Variants in PCDH15 observed in about 807,000 individuals in gnomAD.
PCDH15 encodes the protein protocadherin-15.
In PCDH15, 129 loss-of-function variants were observed where a neutral mutation model predicts 178.5. The ratio of observed to expected loss-of-function variants is 0.72; its 90% CI spans 0.63 to 0.84. PCDH15 has a LOEUF of 0.84. Among genes scored for constraint, PCDH15 ranks in the 40% least tolerant of loss-of-function variants. The pLI is 0.00. For missense variants in PCDH15, 2,230 were observed against 2,099.9 expected (o/e 1.06, Z -1.21); for synonymous variants, 800 against 732.0 (o/e 1.09, Z -1.50).
intron 2 of PCDH15, among the ~76,000 whole-genome samples, chr10:55,443,544 CA>C (rs1839244939): frequency 6.6e-6 from 1 of 152,160 alleles, no homozygotes; most frequent in Admixed American, 6.6e-5. Flanking sequence ...AGCTCATCAT[CA>C]CTGGTCATTA....
intron 2 of PCDH15, among the ~76,000 whole-genome samples, chr10:55,378,723 A>G (rs1048212292): frequency 6.6e-6 from 1 of 152,134 alleles, no homozygotes; most frequent in African/African-American, 2.4e-5. Flanking sequence ...AAGAATTATG[A>G]TCAATACATT....
intron 9 of PCDH15, among the ~76,000 whole-genome samples, chr10:54,227,599 C>T (rs529328380): frequency 3.3e-5 from 5 of 152,278 alleles, no homozygotes; most frequent in South Asian, 2.1e-4. Context: ...TACAGCTCCT[C>T]GTTACTTATG....
intron 8 of PCDH15, among the ~76,000 whole-genome samples, chr10:54,305,564 C>A (rs1248715840): frequency 6.6e-6 from 1 of 151,892 alleles, no homozygotes; most frequent in Non-Finnish European, 1.5e-5. Context: ...GATAAGATAG[C>A]AAATGATATA....
intron 8 of PCDH15, among the ~76,000 whole-genome samples, chr10:54,289,991 G>T (rs530118117): frequency 6.6e-6 from 1 of 152,246 alleles, no homozygotes; most frequent in South Asian, 2.1e-4. Context: ...TTATCCAGGA[G>T]AACCTCCCCA....
chr10:55,216,636 G>A (rs1840711142), intron 1 of PCDH15, among the ~76,000 whole-genome samples: 1 of 151,704 alleles, frequency 6.6e-6, no homozygotes, highest in Non-Finnish European at 1.5e-5. Context: ...TTAAGGTGAT[G>A]GATATGCTAA....
Position 53,884,923 on chromosome 10 carries a change from T to G in PCDH15, c.3502-18066A>C, listed in dbSNP as rs1052018366. Among the ~76,000 whole-genome samples the G allele has an allele frequency of 2.0e-5, 3 of 152,298 alleles. 1 individual carries two copies. The South Asian group carries it at 6.2e-4, about 32-fold the overall frequency. ...CTAATTTTCATGATGATTACTAACA[T>G]AATATACCATTAATACTCTCAGGAG... On this transcript the variant is annotated intron_variant, in intron 26 of 37. Transcript: ENST00000644397.
intron 9 of PCDH15, among the ~76,000 whole-genome samples, chr10:54,223,210 T>G (rs958367046): frequency 2.0e-5 from 3 of 146,470 alleles, no homozygotes; most frequent in African/African-American, 7.7e-5. Context: ...CTCGAGAGGC[T>G]GAGGGAGGAG....
At chr10:54,090,999 C>T (rs2094591872) in intron 15 of PCDH15, among the ~76,000 whole-genome samples, 1 of 152,136 alleles carries the variant, frequency 6.6e-6, no homozygotes, top group Non-Finnish European at 1.5e-5. Context: ...TTTTTCTTCC[C>T]TTCAACACCC....
Position 53,959,227 on chromosome 10 carries a change from GTATA to G in PCDH15, c.3122+501_3122+504del, listed in dbSNP as rs1235715323. On this transcript the variant is annotated intron_variant, in intron 23 of 37. Coordinates refer to ENST00000644397, the MANE Select transcript of PCDH15 (RefSeq NM_001384140.1). ...ATATATAAATTTATGTATACACACA[GTATA>G]TATAAATACACACACTACATTTATA... 3.4e-5 allele frequency among the ~76,000 whole-genome samples: 5 copies of G among 146,064 alleles called. No homozygotes were observed. In the East Asian group the frequency reaches 7.9e-4, roughly 23 times the overall value.
chr10:54,315,651 T>C (rs1190847256), intron 8 of PCDH15, among the ~76,000 whole-genome samples: 1 of 152,150 alleles, frequency 6.6e-6, no homozygotes, highest in Admixed American at 6.6e-5. Context: ...CCAGGGTTTT[T>C]CTAGTTTGGA....
chr10:54,614,078 G>A (rs1459156228), intron 2 of PCDH15, among the ~76,000 whole-genome samples: 5 of 151,880 alleles, frequency 3.3e-5, no homozygotes, highest in African/African-American at 1.2e-4. Context: ...AGTAAACAAT[G>A]CATAGCAACA....
intron 2 of PCDH15, among the ~76,000 whole-genome samples, chr10:55,454,718 G>T (rs1206619761): frequency 6.7e-6 from 1 of 149,890 alleles, no homozygotes; most frequent in East Asian, 2.0e-4. Context: ...CCAGGAGGCG[G>T]AGCTTGCAGT....
intron 29 of PCDH15, among the ~76,000 whole-genome samples, chr10:53,836,274 A>G (rs1223517626): frequency 6.6e-6 from 1 of 152,038 alleles, no homozygotes; most frequent in East Asian, 1.9e-4. Context: ...AAAGAGGGGG[A>G]AAAAATCTTG....
upstream of PCDH15, among the ~76,000 whole-genome samples, chr10:54,804,718 T>C (rs974841148): frequency 2.0e-5 from 3 of 151,572 alleles, no homozygotes; most frequent in African/African-American, 7.3e-5. Flanking sequence ...AAAGCAATGA[T>C]ATAGAAACAC....
chr10:54,131,477 CTT>C (rs979999337), intron 15 of PCDH15, among the ~76,000 whole-genome samples: 1 of 151,840 alleles, frequency 6.6e-6, no homozygotes, highest in Admixed American at 6.6e-5. Context: ...AATACTTTGA[CTT>C]TTTTTTCCTC....
At chr10:54,474,434 C>A (rs1165384224) in intron 3 of PCDH15, among the ~76,000 whole-genome samples, 3 of 151,892 alleles carry the variant, frequency 2.0e-5, no homozygotes, top group African/African-American at 7.2e-5. Flanking sequence ...TGTAAATAAG[C>A]TTCTTCCAGG....
At chr10:54,457,125 C>A (rs549397456) in intron 3 of PCDH15, among the ~76,000 whole-genome samples, 1 of 152,186 alleles carries the variant, frequency 6.6e-6, no homozygotes, top group South Asian at 2.1e-4. Flanking sequence ...TATAAATCAG[C>A]CTTGCTAAGA....
chr10:54,417,332 C>A (rs1954583541), intron 3 of PCDH15, among the ~76,000 whole-genome samples: 1 of 152,034 alleles, frequency 6.6e-6, no homozygotes, highest in Non-Finnish European at 1.5e-5. Context: ...TGGGACTTTT[C>A]TCTCACAGAA....
At chr10:54,368,757 T>C (rs756165627) in intron 5 of PCDH15, among the ~76,000 whole-genome samples, 34 of 152,092 alleles carry the variant, frequency 2.2e-4, no homozygotes, top group Non-Finnish European at 3.7e-4. Flanking sequence ...ATTTAATTAG[T>C]ATGACCACCT....
Sources: gnomAD v4.1 joint callset for allele counts (sites outside exome capture counted in the v4.1 genomes callset) on GRCh38, gnomAD v4.1.1 for gene constraint, MANE v1.5 for transcripts, NCBI Gene and HGNC (gene_info 2026-07-23, HGNC 2026-07-21) for gene names.